ACYP2: variants seen among roughly 807,000 people sequenced by gnomAD.
The protein encoded by ACYP2 is acylphosphatase-2.
ACYP2 carries 12 observed loss-of-function variants against 11.2 expected under a neutral mutation model. The observed-to-expected ratio is 1.08, with a 90% confidence interval of 0.69 to 1.74. The LOEUF (loss-of-function observed/expected upper bound fraction) is 1.74. Ranked by LOEUF, ACYP2 falls within the 40% of genes most tolerant of loss-of-function variation. ACYP2 has a pLI of 0.00. For synonymous variants in ACYP2, 43 were observed against 32.2 expected, an observed-to-expected ratio of 1.33 and a Z score of -1.13; for missense variants, 134 against 101.9, an observed-to-expected ratio of 1.31 and a Z score of -1.35.
intron 6 of ACYP2, among the ~76,000 whole-genome samples, chr2:54,257,701 AATTATAGTCACATTG>A (rs1157143519): frequency 2.0e-5 from 3 of 152,208 alleles, no homozygotes; most frequent in Non-Finnish European, 4.4e-5. Context: ...TTGGAGAGAA[AATTATAGTCACATTG>A]ATGGTTTAAA....
chr2:54,113,840 C>T (rs902295706), intron 4 of ACYP2, among the ~76,000 whole-genome samples: 1 of 151,930 alleles, frequency 6.6e-6, no homozygotes, highest in Admixed American at 6.5e-5. Context: ...TTTGCATAAG[C>T]AGGTAGTGGA....
intron 6 of ACYP2, among the ~76,000 whole-genome samples, chr2:54,294,163 A>G (rs1302402150): frequency 6.6e-6 from 1 of 152,214 alleles, no homozygotes; most frequent in Admixed American, 6.5e-5. Context: ...ACTACTATGA[A>G]TTATTGATAG....
At chr2:54,258,185 G>A (rs1328287272) in intron 6 of ACYP2, among the ~76,000 whole-genome samples, 1 of 151,664 alleles carries the variant, frequency 6.6e-6, no homozygotes, top group Non-Finnish European at 1.5e-5. Context: ...AAGTGCTATG[G>A]AAAAAACAAT....
intron 6 of ACYP2, among the ~76,000 whole-genome samples, chr2:54,198,351 G>T (rs1684605604): frequency 6.6e-6 from 1 of 152,040 alleles, no homozygotes; most frequent in East Asian, 1.9e-4. Context: ...TCTGGCTGCT[G>T]TGGAGAAAGG....
chr2:54,053,873 C>A (rs1055943822), intron 3 of ACYP2, among the ~76,000 whole-genome samples: 1 of 152,190 alleles, frequency 6.6e-6, no homozygotes, highest in Non-Finnish European at 1.5e-5. Context: ...TGATTAGACC[C>A]TAACTAATTA....
intron 4 of ACYP2, among the ~76,000 whole-genome samples, chr2:54,103,943 A>C (rs1418420310): frequency 6.6e-6 from 1 of 152,186 alleles, no homozygotes; most frequent in East Asian, 1.9e-4. Flanking sequence ...CTGCAGCTAC[A>C]CTGAATACAG....
At chr2:54,124,986 C>A (rs1680395156) in intron 4 of ACYP2, among the ~76,000 whole-genome samples, 1 of 152,184 alleles carries the variant, frequency 6.6e-6, no homozygotes, top group Non-Finnish European at 1.5e-5. Flanking sequence ...ACTCTGGACT[C>A]AAGCAATTCA....
At chr2:54,179,473 A>G (rs1426120753) in intron 6 of ACYP2, among the ~76,000 whole-genome samples, 6 of 152,172 alleles carry the variant, frequency 3.9e-5, no homozygotes, top group Non-Finnish European at 8.8e-5. Context: ...TAGGAAAGTA[A>G]AGGAATGAAA....
chr2:54,119,884 G>C (rs1208685884), intron 4 of ACYP2, among the ~76,000 whole-genome samples: 1 of 152,150 alleles, frequency 6.6e-6, no homozygotes, highest in Non-Finnish European at 1.5e-5. Flanking sequence ...GTGACATTCT[G>C]TTAGACTTAC....
At chr2:54,141,762 C>T in intron 6 of ACYP2, 1 of 446,358 alleles carries the variant, frequency 2.2e-6, no homozygotes, top group Non-Finnish European at 4.0e-6. Context: ...ACCTATTTAA[C>T]TGGAATTCTA....
At chr2:54,127,134 G>A (rs1680564608) in intron 4 of ACYP2, among the ~76,000 whole-genome samples, 1 of 144,506 alleles carries the variant, frequency 6.9e-6, no homozygotes, top group Non-Finnish European at 1.5e-5. Flanking sequence ...GCTCTTTTTG[G>A]AAAATACATT....
intron 2 of ACYP2, among the ~76,000 whole-genome samples, chr2:53,997,747 A>G (rs2104524844): frequency 6.6e-6 from 1 of 152,312 alleles, no homozygotes; most frequent in South Asian, 2.1e-4. Context: ...TAGATGGGGA[A>G]TAGATTAAGA....
At chr2:54,263,454 C>G (rs1687867425) in intron 6 of ACYP2, among the ~76,000 whole-genome samples, 1 of 152,294 alleles carries the variant, frequency 6.6e-6, no homozygotes. Context: ...ATCACCGTGT[C>G]TCTACAAAGA....
At chr2:54,167,942 C>T (rs1024911851) in intron 6 of ACYP2, among the ~76,000 whole-genome samples, 1 of 152,102 alleles carries the variant, frequency 6.6e-6, no homozygotes, top group Non-Finnish European at 1.5e-5. Flanking sequence ...ATATGAAAGA[C>T]AGAAGTCTTC....
At chr2:54,128,810 C>A (rs1388302842) in intron 4 of ACYP2, among the ~76,000 whole-genome samples, 1 of 151,898 alleles carries the variant, frequency 6.6e-6, no homozygotes, top group Admixed American at 6.6e-5. Flanking sequence ...GGAAGTCATA[C>A]ACAATTGAAT....
chr2:53,981,432 A>G (rs990847586), intron 2 of ACYP2, among the ~76,000 whole-genome samples: 2 of 152,184 alleles, frequency 1.3e-5, no homozygotes. Flanking sequence ...TAAGTGAAGT[A>G]GTGGCCCACA....
chr2:53,982,828 CTGTGTGTGTGTGTG>C (rs3066946), intron 2 of ACYP2, among the ~76,000 whole-genome samples: 119 of 140,606 alleles, frequency 8.5e-4, no homozygotes, highest in South Asian at 1.4e-3. Context: ...TCACACAAGA[CTGTGTGTGTGTGTG>C]TGTGTGTGTG....
intron 2 of ACYP2, among the ~76,000 whole-genome samples, chr2:53,991,349 T>C (rs1672283593): frequency 6.6e-6 from 1 of 152,190 alleles, no homozygotes. Flanking sequence ...GACATATAAC[T>C]ACTTTTCTCT....
chr2:54,117,418 C>G (rs1679873157), intron 4 of ACYP2, among the ~76,000 whole-genome samples: 1 of 152,194 alleles, frequency 6.6e-6, no homozygotes, highest in Non-Finnish European at 1.5e-5. Flanking sequence ...CCTCAGCCTT[C>G]TAAGCAGCTG....
Sources: allele counts gnomAD v4.1 joint callset (sites outside exome capture counted in the v4.1 genomes callset), GRCh38; gene constraint gnomAD v4.1.1; transcripts MANE v1.5; gene names NCBI Gene and HGNC (gene_info 2026-07-23, HGNC 2026-07-21).